Variants in GFRA2 observed in about 807,000 individuals in gnomAD.
The protein encoded by GFRA2 is GDNF family receptor alpha 2.
A neutral mutation model predicts 48.3 loss-of-function variants in GFRA2; 17 were observed. That is an observed-to-expected ratio of 0.35 (90% CI 0.24 to 0.53). The LOEUF is 0.53. Ranked by LOEUF, GFRA2 falls within the 20% of genes least tolerant of loss-of-function variation. GFRA2 has a pLI of 0.93. For synonymous variants in GFRA2, 305 were observed against 257.2 expected (o/e 1.19, Z -1.78); for missense variants, 660 against 637.3 (o/e 1.04, Z -0.38).
chr8:21,801,842 G>T (rs887737600), intron 2 of GFRA2, among the ~76,000 whole-genome samples: 89 of 152,202 alleles, frequency 5.8e-4, no homozygotes, highest in African/African-American at 2.0e-3. Flanking sequence ...AACTGTCCAC[G>T]CCCAGTGCTC....
intron 4 of GFRA2, among the ~76,000 whole-genome samples, chr8:21,709,400 A>C (rs1487242657): frequency 6.6e-6 from 1 of 152,254 alleles, no homozygotes; most frequent in Non-Finnish European, 1.5e-5. Flanking sequence ...ACACATTCTC[A>C]GAGTGGCAGA....
chr8:21,702,864 C>T lies in GFRA2; in HGVS notation c.1159G>A (p.Asp387Asn), dbSNP rs1346410768. 8 of 1,609,950 alleles carry T rather than the reference C, an allele frequency of 5.0e-6. No individual in the cohort carries two copies. The highest frequency in any genetic ancestry group is 1.1e-5 in the South Asian group (1 of 90,852). The change falls in exon 7 of 9, where the codon GAC becomes AAC. Residue 387 changes from aspartate to asparagine, a missense_variant. Asp to Asn is a conservative substitution (Grantham distance 23). Transcript: ENST00000524240. ...RVEKTPSLPD[D>N]LSDSTSLGTS... Reference sequence around the variant, plus strand: ...CCCAAGCTGGTACTGTCACTGAGGTCATCTGGCAAAGAAGGCGTCTTCTCC... The same window carrying T: ...CCCAAGCTGGTACTGTCACTGAGGTTATCTGGCAAAGAAGGCGTCTTCTCC...
intron 4 of GFRA2, among the ~76,000 whole-genome samples, chr8:21,731,719 A>T (rs1204396602): frequency 2.0e-5 from 3 of 152,200 alleles, no homozygotes; most frequent in Non-Finnish European, 4.4e-5. Context: ...AAAACCCGCG[A>T]AGGAGAAAGG....
intron 4 of GFRA2, chr8:21,706,316 A>C (rs757145771): frequency 3.4e-6 from 2 of 579,924 alleles, no homozygotes; most frequent in Non-Finnish European, 6.5e-6. Context: ...CAAGGCACAG[A>C]AACAGCCTGC....
chr8:21,719,440 C>T (rs747483235), intron 4 of GFRA2, among the ~76,000 whole-genome samples: 4 of 146,312 alleles, frequency 2.7e-5, no homozygotes, highest in Non-Finnish European at 6.0e-5. Context: ...TCTTATTACT[C>T]GGCAAGAGGA....
chr8:21,798,249 A>G (rs1469051574), intron 2 of GFRA2, among the ~76,000 whole-genome samples: 2 of 152,186 alleles, frequency 1.3e-5, no homozygotes, highest in Non-Finnish European at 2.9e-5. Context: ...TTTGAGTTCT[A>G]GCTTTGACCC....
intron 2 of GFRA2, among the ~76,000 whole-genome samples, chr8:21,780,096 A>C: frequency 6.8e-6 from 1 of 147,682 alleles, no homozygotes; most frequent in African/African-American, 2.5e-5. Flanking sequence ...TCTCCTCTTT[A>C]CACCAAAATT....
intron 4 of GFRA2, among the ~76,000 whole-genome samples, chr8:21,716,600 T>A (rs1803348615): frequency 6.6e-6 from 1 of 152,196 alleles, no homozygotes; most frequent in African/African-American, 2.4e-5. Context: ...ACGGCTATAC[T>A]GTCTACTTCT....
intron 4 of GFRA2, among the ~76,000 whole-genome samples, chr8:21,748,418 A>C (rs561995318): frequency 3.5e-5 from 5 of 143,432 alleles, no homozygotes; most frequent in African/African-American, 1.4e-4. Context: ...GGTGTGGAGT[A>C]AACAAAACAG....
intron 2 of GFRA2, among the ~76,000 whole-genome samples, chr8:21,776,747 A>G (rs1028433424): frequency 3.9e-5 from 6 of 152,114 alleles, no homozygotes; most frequent in Admixed American, 2.0e-4. Flanking sequence ...CTGGGATTAC[A>G]GGAGTGAGCC....
At chr8:21,795,078 G>A (rs1807644091) in intron 2 of GFRA2, among the ~76,000 whole-genome samples, 2 of 152,180 alleles carry the variant, frequency 1.3e-5, no homozygotes, top group Non-Finnish European at 2.9e-5. Flanking sequence ...ACCCATCTCA[G>A]GGAGTCCTGT....
At chr8:21,767,960 G>C (rs868027810) in intron 3 of GFRA2, among the ~76,000 whole-genome samples, 3,079 of 22,340 alleles carry the variant, frequency 0.14, 103 homozygotes, top group African/African-American at 0.26. Flanking sequence ...GGCGTTGACA[G>C]AGAGAGAGAG....
upstream of GFRA2, among the ~76,000 whole-genome samples, chr8:21,789,040 G>A (rs951648336): frequency 0.048 from 7,265 of 151,340 alleles, 235 homozygotes; most frequent in Non-Finnish European, 0.074. Flanking sequence ...GGCGCGGGGC[G>A]CGGGGCGCGG....
chr8:21,702,582 C>T (rs1238369219), intron 7 of GFRA2, among the ~76,000 whole-genome samples: 1 of 152,218 alleles, frequency 6.6e-6, no homozygotes, highest in Non-Finnish European at 1.5e-5. Context: ...ACCCTATAGC[C>T]TGCAAAGCAG....
chr8:21,709,967 C>A (rs558212360), intron 4 of GFRA2, among the ~76,000 whole-genome samples: 1 of 152,282 alleles, frequency 6.6e-6, no homozygotes, highest in South Asian at 2.1e-4. Context: ...AGAGCAGGGC[C>A]ATAGGGAGAG....
chr8:21,711,932 C>T (rs371587067), intron 4 of GFRA2, among the ~76,000 whole-genome samples: 38 of 152,320 alleles, frequency 2.5e-4, no homozygotes, highest in African/African-American at 7.7e-4. Flanking sequence ...GCACATCTTG[C>T]ACTGCCCGTA....
intron 4 of GFRA2, among the ~76,000 whole-genome samples, chr8:21,727,111 G>A (rs62492248): frequency 0.12 from 18,825 of 152,100 alleles, 1,204 homozygotes; most frequent in South Asian, 0.18. Flanking sequence ...ATAAATGTTG[G>A]GAGACATTAT....
intron 2 of GFRA2, among the ~76,000 whole-genome samples, chr8:21,795,926 G>A (rs990117745): frequency 2.6e-5 from 4 of 152,170 alleles, no homozygotes; most frequent in Non-Finnish European, 4.4e-5. Flanking sequence ...ATCTGGCATC[G>A]TCTTTGTGTC....
intron 2 of GFRA2, among the ~76,000 whole-genome samples, chr8:21,801,673 T>C (rs1028999940): frequency 2.0e-5 from 3 of 152,040 alleles, no homozygotes; most frequent in Non-Finnish European, 2.9e-5. Context: ...GTAAAGGAAG[T>C]GGGTTTTTAG....
Sources: allele counts gnomAD v4.1 joint callset (sites outside exome capture counted in the v4.1 genomes callset), GRCh38; gene constraint gnomAD v4.1.1; transcripts MANE v1.5; gene names NCBI Gene and HGNC (gene_info 2026-07-23, HGNC 2026-07-21).